RBFOX1: variants seen among roughly 807,000 people sequenced by gnomAD.
RBFOX1 encodes RNA binding fox-1 homolog 1.
Under a neutral mutation model 57.7 loss-of-function variants are expected in RBFOX1, and 8 were observed. That is an observed-to-expected ratio of 0.14 (90% CI 0.08 to 0.25). The LOEUF is 0.25. Among genes scored for constraint, RBFOX1 ranks in the 10% least tolerant of loss-of-function variants. The pLI is 1.00. For synonymous variants in RBFOX1, 326 were observed against 222.4 expected (o/e 1.47, Z -4.15); for missense variants, 611 against 548.5 (o/e 1.11, Z -1.14).
intron 2 of RBFOX1, among the ~76,000 whole-genome samples, chr16:6,415,513 C>A (rs533190299): frequency 1.3e-5 from 2 of 151,874 alleles, no homozygotes; most frequent in African/African-American, 4.8e-5. Context: ...CCAGCCTGGC[C>A]AATATGATGA....
intron 1 of RBFOX1, among the ~76,000 whole-genome samples, chr16:5,450,637 GGAAAGGA>G (rs1364465524): frequency 6.6e-6 from 1 of 152,180 alleles, no homozygotes; most frequent in Non-Finnish European, 1.5e-5. Context: ...TCAGTGCCAA[GGAAAGGA>G]GAAAGGATTG....
intron 3 of RBFOX1, among the ~76,000 whole-genome samples, chr16:5,807,058 C>T (rs1012627878): frequency 1.3e-5 from 2 of 152,176 alleles, no homozygotes; most frequent in Non-Finnish European, 2.9e-5. Context: ...CTGAGCCTGG[C>T]CCAGTGGGAA....
intron 14 of RBFOX1, among the ~76,000 whole-genome samples, chr16:7,703,240 G>A (rs568783898): frequency 1.3e-5 from 2 of 152,316 alleles, no homozygotes; most frequent in East Asian, 3.9e-4. Context: ...TAATTGCATT[G>A]CAGAGACCCG....
At chr16:6,541,022 G>A (rs192507782) in intron 2 of RBFOX1, among the ~76,000 whole-genome samples, 1 of 152,278 alleles carries the variant, frequency 6.6e-6, no homozygotes, top group East Asian at 1.9e-4. Context: ...AGTGAATCAA[G>A]TTCTTATATA....
At chr16:7,112,968 G>C (rs932533788) in intron 4 of RBFOX1, among the ~76,000 whole-genome samples, 1 of 152,174 alleles carries the variant, frequency 6.6e-6, no homozygotes, top group African/African-American at 2.4e-5. Context: ...CCCTCTGTAA[G>C]GCGCTGCCGA....
At chr16:6,829,921 T>A (rs935163128) in intron 3 of RBFOX1, among the ~76,000 whole-genome samples, 3 of 148,494 alleles carry the variant, frequency 2.0e-5, no homozygotes, top group African/African-American at 5.0e-5. Flanking sequence ...TATTTTATTT[T>A]TTTTATTTTT....
chr16:7,245,186 C>T (rs534293488), intron 4 of RBFOX1, among the ~76,000 whole-genome samples: 4 of 152,148 alleles, frequency 2.6e-5, no homozygotes, highest in Admixed American at 6.6e-5. Flanking sequence ...TAGATCCTAA[C>T]TAAAATAATA....
intron 4 of RBFOX1, among the ~76,000 whole-genome samples, chr16:5,913,613 T>C (rs2058648951): frequency 6.6e-6 from 1 of 152,200 alleles, no homozygotes; most frequent in East Asian, 1.9e-4. Flanking sequence ...CCTGAAGAAC[T>C]GTGAGCCAAG....
intron 2 of RBFOX1, among the ~76,000 whole-genome samples, chr16:6,604,111 C>T (rs547528670): frequency 1.3e-5 from 2 of 152,124 alleles, no homozygotes; most frequent in Admixed American, 6.5e-5. Context: ...CCATCTGCTT[C>T]TCTCCACTCC....
intron 4 of RBFOX1, among the ~76,000 whole-genome samples, chr16:5,939,086 G>A (rs189480729): frequency 2.6e-3 from 400 of 151,882 alleles, no homozygotes; most frequent in African/African-American, 4.3e-3. Flanking sequence ...ACACCACTGC[G>A]TGTCGTGGGG....
At chr16:7,123,541 T>C (rs556452225) in intron 4 of RBFOX1, among the ~76,000 whole-genome samples, 90 of 152,126 alleles carry the variant, frequency 5.9e-4, no homozygotes, top group African/African-American at 2.0e-3. Flanking sequence ...ATTCTTTTAA[T>C]TTTAGTAGAG....
intron 4 of RBFOX1, among the ~76,000 whole-genome samples, chr16:5,871,537 C>G (rs1285351984): frequency 6.6e-6 from 1 of 152,148 alleles, no homozygotes; most frequent in Non-Finnish European, 1.5e-5. Flanking sequence ...CATTTCCCCC[C>G]TATTTATCGT....
At chr16:5,316,505 C>T (rs564852012) in intron 1 of RBFOX1, among the ~76,000 whole-genome samples, 8 of 152,298 alleles carry the variant, frequency 5.3e-5, no homozygotes, top group Non-Finnish European at 1.0e-4. Flanking sequence ...CCCTCCACAA[C>T]GATAAACGTG....
At chr16:6,631,388 C>T (rs960065676) in intron 2 of RBFOX1, among the ~76,000 whole-genome samples, 1 of 151,834 alleles carries the variant, frequency 6.6e-6, no homozygotes, top group South Asian at 2.1e-4. Context: ...TTTTAGAAAA[C>T]ACTTTTTATT....
At chr16:7,606,238 C>T (rs572820260) in intron 9 of RBFOX1, among the ~76,000 whole-genome samples, 2 of 151,650 alleles carry the variant, frequency 1.3e-5, no homozygotes, top group Non-Finnish European at 2.9e-5. Flanking sequence ...TCTCCTGCCT[C>T]GGACTCCCAA....
chr16:6,947,883 T>C (rs1423077002), intron 3 of RBFOX1, among the ~76,000 whole-genome samples: 1 of 152,130 alleles, frequency 6.6e-6, no homozygotes, highest in Non-Finnish European at 1.5e-5. Context: ...TTCAAGCGTT[T>C]CTCCTGCCTC....
intron 3 of RBFOX1, among the ~76,000 whole-genome samples, chr16:5,689,737 A>G (rs574691977): frequency 3.3e-5 from 5 of 152,132 alleles, no homozygotes; most frequent in Non-Finnish European, 7.4e-5. Flanking sequence ...GGAACAAGGA[A>G]TACAATAGAG....
rs141533412 is a variant in RBFOX1 at position 7,411,461 on chromosome 16, C to G, written c.28-106686C>G. Reference sequence around the variant, plus strand: ...TAACAGACTTAGCAAAGATGTTGAACACATGAAAATGGGAAGTACTGTTTA... The same window carrying G: ...TAACAGACTTAGCAAAGATGTTGAAGACATGAAAATGGGAAGTACTGTTTA... On this transcript the variant is annotated intron_variant, in intron 4 of 15. Transcript: ENST00000550418. 1.1e-3 allele frequency among the ~76,000 whole-genome samples: 168 copies of G among 152,268 alleles called. 1 individual carries two copies. Among genetic ancestry groups the G allele is most frequent in the Admixed American group, 2.8e-3 (43 of 15,282 alleles).
chr16:7,493,205 C>T (rs912450729), intron 4 of RBFOX1, among the ~76,000 whole-genome samples: 4 of 152,044 alleles, frequency 2.6e-5, no homozygotes, highest in African/African-American at 9.7e-5. Context: ...TTGTAAAATA[C>T]CCATTCTCAG....
Sources: allele counts gnomAD v4.1 joint callset (sites outside exome capture counted in the v4.1 genomes callset), GRCh38; gene constraint gnomAD v4.1.1; transcripts MANE v1.5; gene names NCBI Gene and HGNC (gene_info 2026-07-23, HGNC 2026-07-21).